The following INPP4B variants were observed in gnomAD, a reference collection of about 807,000 sequenced individuals.
The protein encoded by INPP4B is inositol polyphosphate-4-phosphatase type II B, also known as inositol polyphosphate 4-phosphatase type II.
A neutral mutation model predicts 122.5 loss-of-function variants in INPP4B; 55 were observed. The observed-to-expected ratio is 0.45, with a 90% confidence interval of 0.36 to 0.56. The LOEUF is 0.56. Ranked by LOEUF, INPP4B falls within the 20% of genes least tolerant of loss-of-function variation. The probability of loss-of-function intolerance (pLI) is 0.00; values close to 1 mark genes in which losing one functional copy is unlikely to be tolerated. For missense variants in INPP4B, 1,000 were observed against 1,097.7 expected, an observed-to-expected ratio of 0.91 and a Z score of 1.26; for synonymous variants, 403 against 388.7, an observed-to-expected ratio of 1.04 and a Z score of -0.43.
At chr4:142,509,591 T>A (rs1369797642) in intron 2 of INPP4B, among the ~76,000 whole-genome samples, 1 of 152,204 alleles carries the variant, frequency 6.6e-6, no homozygotes, top group Non-Finnish European at 1.5e-5. Flanking sequence ...TACTCCATGG[T>A]GTATATGTGC....
intron 1 of INPP4B, among the ~76,000 whole-genome samples, chr4:142,806,821 A>T (rs1206625802): frequency 1.3e-5 from 2 of 150,480 alleles, no homozygotes; most frequent in Non-Finnish European, 3.0e-5. Flanking sequence ...GAAAGAAAGA[A>T]AGAAAGAAAG....
chr4:142,048,498 T>TGAAA (rs1376428816), intron 25 of INPP4B, among the ~76,000 whole-genome samples: 1 of 151,898 alleles, frequency 6.6e-6, no homozygotes, highest in Non-Finnish European at 1.5e-5. Context: ...GGGCATCTGG[T>TGAAA]GAAAGATGAC....
intron 3 of INPP4B, among the ~76,000 whole-genome samples, chr4:142,440,931 C>T (rs764030388): frequency 6.6e-6 from 1 of 152,150 alleles, no homozygotes; most frequent in Non-Finnish European, 1.5e-5. Flanking sequence ...TATTATTAAG[C>T]ACTGTCCTCA....
At chr4:142,512,850 C>T (rs1186075815) in intron 2 of INPP4B, among the ~76,000 whole-genome samples, 1 of 152,096 alleles carries the variant, frequency 6.6e-6, no homozygotes, top group Non-Finnish European at 1.5e-5. Context: ...AATTTGTGCT[C>T]ATTATACTGT....
intron 2 of INPP4B, among the ~76,000 whole-genome samples, chr4:142,634,707 C>A (rs1446235350): frequency 1.3e-5 from 2 of 151,888 alleles, no homozygotes; most frequent in Admixed American, 1.3e-4. Flanking sequence ...TGTAAAATAC[C>A]ACTTTCAATA....
chr4:142,187,476 G>T (rs1342582223), intron 15 of INPP4B, among the ~76,000 whole-genome samples: 1 of 152,000 alleles, frequency 6.6e-6, no homozygotes, highest in African/African-American at 2.4e-5. Flanking sequence ...TATAAATGAA[G>T]AGTATTATAT....
At chr4:142,311,289 T>C (rs922636716) in intron 8 of INPP4B, among the ~76,000 whole-genome samples, 1 of 152,172 alleles carries the variant, frequency 6.6e-6, no homozygotes, top group Admixed American at 6.5e-5. Context: ...AGGAAGTCAA[T>C]GCATGCTAAA....
At chr4:142,229,114 A>G (rs1852962626) in intron 12 of INPP4B, among the ~76,000 whole-genome samples, 1 of 151,494 alleles carries the variant, frequency 6.6e-6, no homozygotes, top group Admixed American at 6.6e-5. Context: ...ACGAATATGT[A>G]TTTATAAGGT....
chr4:142,097,878 T>TAGA (rs1782669576), intron 23 of INPP4B, among the ~76,000 whole-genome samples: 1 of 152,272 alleles, frequency 6.6e-6, no homozygotes, highest in Non-Finnish European at 1.5e-5. Context: ...ACTCAACTTA[T>TAGA]ACCATGCATT....
intron 2 of INPP4B, among the ~76,000 whole-genome samples, chr4:142,516,021 G>A (rs1351481722): frequency 6.6e-6 from 1 of 152,154 alleles, no homozygotes; most frequent in Non-Finnish European, 1.5e-5. Flanking sequence ...GAAAGCAGGA[G>A]CAGTTGACTA....
At chr4:142,639,986 G>C (rs955224415) in intron 2 of INPP4B, among the ~76,000 whole-genome samples, 2 of 152,024 alleles carry the variant, frequency 1.3e-5, no homozygotes, top group South Asian at 2.1e-4. Flanking sequence ...GAATTACAAA[G>C]TGAGGTATAC....
chr4:142,719,350 G>T (rs1416459634), intron 2 of INPP4B, among the ~76,000 whole-genome samples: 1 of 151,380 alleles, frequency 6.6e-6, no homozygotes, highest in Non-Finnish European at 1.5e-5. Context: ...TTGAGACAGG[G>T]TCTTACTTTG....
intron 2 of INPP4B, among the ~76,000 whole-genome samples, chr4:142,683,994 G>A (rs1237636338): frequency 6.6e-6 from 1 of 151,964 alleles, no homozygotes; most frequent in Admixed American, 6.6e-5. Flanking sequence ...AGAACATGGT[G>A]TGTTCCAGGA....
intron 2 of INPP4B, among the ~76,000 whole-genome samples, chr4:142,549,876 AT>A (rs1264470261): frequency 1.3e-5 from 2 of 152,190 alleles, no homozygotes; most frequent in African/African-American, 4.8e-5. Context: ...TTTCAGAACA[AT>A]TAAATTCCAG....
intron 25 of INPP4B, among the ~76,000 whole-genome samples, chr4:142,060,056 A>G (rs1187622516): frequency 1.3e-5 from 2 of 152,174 alleles, no homozygotes; most frequent in Non-Finnish European, 2.9e-5. Context: ...GCTACTTGCT[A>G]TACATACGTG....
chr4:142,641,473 A>G (rs1350126658), intron 2 of INPP4B, among the ~76,000 whole-genome samples: 2 of 141,956 alleles, frequency 1.4e-5, no homozygotes, highest in Non-Finnish European at 3.0e-5. Flanking sequence ...CCTGTGTCCA[A>G]GTGTTCTCAT....
intron 2 of INPP4B, among the ~76,000 whole-genome samples, chr4:142,713,945 C>T (rs1224736357): frequency 6.6e-6 from 1 of 152,170 alleles, no homozygotes; most frequent in Non-Finnish European, 1.5e-5. Flanking sequence ...TCATTGAAAG[C>T]TAGTACCACT....
rs116613827 is a variant in INPP4B, at chr4:142,648,189, A to G, written c.-191+77650T>C. 8.6e-3 allele frequency among the ~76,000 whole-genome samples: 1,310 copies of G among 152,340 alleles called. 25 individuals are homozygous for G. Among genetic ancestry groups the G allele is most frequent in the African/African-American group, 0.03 (1,242 of 41,578 alleles). ...CATTGGCATAGGTTAGCAGAAAAAT[A>G]TGAAAGTGCCTTCCAAGATGGCCAA... On this transcript the variant is annotated intron_variant, in intron 2 of 25. Transcript: ENST00000262992.
At chr4:142,271,899 A>G (rs576667076) in intron 9 of INPP4B, among the ~76,000 whole-genome samples, 7 of 152,336 alleles carry the variant, frequency 4.6e-5, no homozygotes, top group African/African-American at 1.7e-4. Context: ...AAGATTCTCT[A>G]GTTTCCTTTT....
Sources: gnomAD v4.1 joint callset for allele counts (sites outside exome capture counted in the v4.1 genomes callset) on GRCh38, gnomAD v4.1.1 for gene constraint, MANE v1.5 for transcripts, NCBI Gene and HGNC (gene_info 2026-07-23, HGNC 2026-07-21) for gene names.